ADGRG1: variants seen among roughly 807,000 people sequenced by gnomAD.
ADGRG1 encodes adhesion G protein-coupled receptor G1.
ADGRG1 carries 53 observed loss-of-function variants against 73.5 expected under a neutral mutation model. The observed-to-expected ratio is 0.72, with a 90% CI of 0.58 to 0.91. ADGRG1 has a LOEUF of 0.91. Ranked by LOEUF, ADGRG1 falls within the 40% of genes least tolerant of loss-of-function variation. The pLI, the probability that ADGRG1 is intolerant of heterozygous loss-of-function variation, is 0.00. For synonymous variants in ADGRG1, 394 were observed against 374.4 expected (o/e 1.05, Z -0.60); for missense variants, 795 against 871.8 (o/e 0.91, Z 1.11).
Position 57,655,509 on chromosome 16 carries a change from C to T in ADGRG1, c.879C>T (p.Phe293=), listed in dbSNP as rs2045485346. The T allele has an allele frequency of 6.2e-7, 1 of 1,613,778 alleles. No homozygotes were observed. Among genetic ancestry groups the T allele is most frequent in the South Asian group, 1.1e-5 (1 of 91,090 alleles). Residue 293 remains phenylalanine, a synonymous_variant, in exon 6 of 14, where the codon TTC becomes TTT. Coordinates refer to ENST00000562631, the MANE Select transcript of ADGRG1 (RefSeq NM_201525.4). ...EAEKRLLLVD[F]SSQALFQDKN... ...AGAAGAGACTCCTCCTGGTGGACTT[C>T]AGCAGCCAAGCCCTGTTCCAGGTAT... is the stretch of plus-strand genomic sequence containing the variant.
chr16:57,659,424 G>A lies in ADGRG1; in HGVS notation c.1298G>A (p.Arg433Gln), dbSNP rs760698408. The A allele has an allele frequency of 1.1e-5, 18 of 1,613,586 alleles. No individual in the cohort carries two copies. The highest frequency in any genetic ancestry group is 2.2e-5 in the South Asian group (2 of 91,074). ...CCCCTGCCGTGCAGGAGGAAACCTC[G>A]GGACTACACCATCAAGGTGCACATG... Reference protein sequence around the residue: ...AAYLCSRRKPRDYTIKVHMNL... With the variant: ...AAYLCSRRKPQDYTIKVHMNL... Residue 433 changes from arginine to glutamine, a missense_variant, in exon 11 of 14, where the codon CGG becomes CAG. Physicochemically the swap from Arg to Gln is conservative, Grantham distance 43. Coordinates refer to ENST00000562631, the MANE Select transcript of ADGRG1 (RefSeq NM_201525.4).
Position 57,632,834 on chromosome 16 carries a change from C to T in ADGRG1, c.-36+4032C>T, listed in dbSNP as rs143807370. Reference sequence around the variant, plus strand: ...TCTGCATTAGTGGGAGATGGCCTGGCGGTGGGGAGATGGCCTTGCTGTCCA... The same window carrying T: ...TCTGCATTAGTGGGAGATGGCCTGGTGGTGGGGAGATGGCCTTGCTGTCCA... On this transcript the variant is annotated intron_variant, in intron 1 of 13. Transcript: ENST00000562631. 221 of 985,264 alleles carry T rather than the reference C, an allele frequency of 2.2e-4. 1 individual carries two copies. In the East Asian group the frequency reaches 0.013, roughly 59 times the overall value. The allele number at this position is 985,264 out of a possible 1,614,324, so 61.0% of individuals were successfully genotyped here.
At chr16:57,656,191 G>A in intron 7 of ADGRG1, 35 bp from the exon 8 acceptor site, 1 of 1,613,662 alleles carries the variant, frequency 6.2e-7, no homozygotes, top group Non-Finnish European at 8.5e-7. Flanking sequence ...GTGGGGGGCT[G>A]TCACAGAAAC....
chr16:57,644,470 GCACACACA>G (rs1182944382), intron 1 of ADGRG1, among the ~76,000 whole-genome samples: 1 of 137,350 alleles, frequency 7.3e-6, no homozygotes, highest in Non-Finnish European at 1.6e-5. Context: ...TCATGCACGG[GCACACACA>G]CCCATGCACA....
At chr16:57,630,133 A>G in intron 1 of ADGRG1, 1 of 563,112 alleles carries the variant, frequency 1.8e-6, no homozygotes, top group South Asian at 7.6e-5. Context: ...CAAATAAGGT[A>G]TCTCAGAACT....
upstream of ADGRG1, chr16:57,620,031 A>C (rs1406525256): frequency 1.3e-5 from 2 of 152,290 alleles, no homozygotes; most frequent in African/African-American, 4.8e-5. Flanking sequence ...GCTGCCCGCC[A>C]GCCCAGACAA....
intron 1 of ADGRG1, chr16:57,647,474 C>A (rs1353981457): frequency 2.8e-5 from 27 of 978,032 alleles, no homozygotes; most frequent in Non-Finnish European, 2.9e-5. Flanking sequence ...ACTGATGGCA[C>A]CTGCCTCTAA....
Position 57,658,068 on chromosome 16 carries a change from G to A in ADGRG1, c.1286+577G>A, listed in dbSNP as rs138466606. 2.2e-3 allele frequency among the ~76,000 whole-genome samples: 333 copies of A among 152,232 alleles called. 1 individual carries two copies. The highest frequency in any genetic ancestry group is 7.9e-3 in the African/African-American group (326 of 41,516). On this transcript the variant is annotated intron_variant, in intron 10 of 13. Transcript: ENST00000562631. ...ATTGTCAACATTTAAAATTGAGAGA[G>A]TCCACCTAAGAATCTGTTTCTTTCC...
chr16:57,654,655 A>T (rs1375409277), intron 5 of ADGRG1, among the ~76,000 whole-genome samples: 1 of 152,052 alleles, frequency 6.6e-6, no homozygotes. Flanking sequence ...CGAGGCAGGC[A>T]GATCACTTGA....
rs371152613 is a variant in ADGRG1 at position 57,661,812 on chromosome 16, C to T, written c.1780C>T (p.Arg594Cys). 142 of 1,614,214 alleles carry T rather than the reference C, an allele frequency of 8.8e-5. No individual in the cohort carries two copies. Among genetic ancestry groups the T allele is most frequent in the South Asian group, 4.6e-4 (42 of 91,082 alleles). ...CATGGTGGTGCAGATCCTGCGGCTG[C>T]GCCCCCACACCCAAAAGTGGTCACA... ...ATMVVQILRL[R>C]PHTQKWSHVL... is the part of the protein sequence containing the mutation. The change falls in exon 13 of 14, where the codon CGC becomes TGC. Residue 594 changes from arginine to cysteine, a missense_variant. By Grantham distance (180) the Arg-to-Cys change is radical (BLOSUM62 -3). Coordinates refer to ENST00000562631, the MANE Select transcript of ADGRG1 (RefSeq NM_201525.4).
intron 1 of ADGRG1, among the ~76,000 whole-genome samples, chr16:57,645,659 G>A (rs1341827958): frequency 6.6e-6 from 1 of 152,170 alleles, no homozygotes; most frequent in Non-Finnish European, 1.5e-5. Flanking sequence ...CCTGCAGTAT[G>A]TCCATCAACG....
chr16:57,636,442 T>C, intron 1 of ADGRG1: 9 of 985,300 alleles, frequency 9.1e-6, no homozygotes, highest in Non-Finnish European at 1.1e-5. Flanking sequence ...CCTATCAGGC[T>C]ATGCACAGTC....
chr16:57,656,182 T>G (rs1597570018), intron 7 of ADGRG1, 44 bp from the exon 8 acceptor site: 1 of 1,610,156 alleles, frequency 6.2e-7, no homozygotes. Context: ...GTTGGAGGGG[T>G]GGGGGGCTGT....
At chr16:57,652,555 G>C (rs2044362181) in intron 3 of ADGRG1, 1 of 865,238 alleles carries the variant, frequency 1.2e-6, no homozygotes, top group Non-Finnish European at 1.4e-6. Context: ...CTGAAGACCA[G>C]ACTGAACTTG....
At chr16:57,638,817 A>G (rs1374099758) in intron 1 of ADGRG1, among the ~76,000 whole-genome samples, 1 of 152,132 alleles carries the variant, frequency 6.6e-6, no homozygotes, top group Non-Finnish European at 1.5e-5. Flanking sequence ...CACACCTGTA[A>G]TCCCAGCACT....
chr16:57,644,112 C>G (rs1597322653), intron 1 of ADGRG1: 4 of 985,066 alleles, frequency 4.1e-6, no homozygotes, highest in Non-Finnish European at 4.8e-6. Context: ...TGTGCCCCGC[C>G]CTCCCTGTCC....
At chr16:57,635,585 G>A in intron 1 of ADGRG1, 3 of 985,430 alleles carry the variant, frequency 3.0e-6, no homozygotes, top group Non-Finnish European at 3.6e-6. Flanking sequence ...GATCTAGGAA[G>A]GACGGTAGTG....
rs1281473828 is a variant in ADGRG1, at chr16:57,659,633, G to A, written c.1507G>A (p.Gly503Ser). The change falls in exon 11 of 14, where the codon GGC becomes AGC. Residue 503 changes from glycine (G) to serine (S), a missense_variant. Physicochemically the swap from Gly to Ser is moderately conservative, Grantham distance 56 (BLOSUM62 0). Transcript: ENST00000562631. ...NLYRLVVEVF[G>S]TYVPGYLLKL... ...CTACCGACTCGTGGTGGAGGTCTTTGGCACCTATGTCCCTGGCTACCTACT... is the reference window on the plus strand; with the variant it reads ...CTACCGACTCGTGGTGGAGGTCTTTAGCACCTATGTCCCTGGCTACCTACT... 3.1e-6 allele frequency: 5 copies of A among 1,613,906 alleles called. No individual in the cohort carries two copies. In the Admixed American group the frequency reaches 8.3e-5, roughly 27 times the overall value.
intron 1 of ADGRG1, chr16:57,633,619 C>A: frequency 2.2e-6 from 1 of 462,290 alleles, no homozygotes; most frequent in Non-Finnish European, 2.8e-6. Flanking sequence ...GTATATTAAC[C>A]TCTCTGTGCC....
Sources: gnomAD v4.1 joint callset for allele counts (sites outside exome capture counted in the v4.1 genomes callset) on GRCh38, gnomAD v4.1.1 for gene constraint, MANE v1.5 for transcripts, NCBI Gene and HGNC (gene_info 2026-07-23, HGNC 2026-07-21) for gene names.